GEMIN5: variants seen among roughly 807,000 people sequenced by gnomAD.
GEMIN5 encodes the protein gem nuclear organelle associated protein 5.
In GEMIN5, 124 loss-of-function variants were observed where a neutral mutation model predicts 176.9. The ratio of observed to expected loss-of-function variants is 0.70; its 90% CI spans 0.61 to 0.81. The LOEUF (loss-of-function observed/expected upper bound fraction) is 0.81. Ranked by LOEUF, GEMIN5 falls within the 40% of genes least tolerant of loss-of-function variation. The probability of loss-of-function intolerance (pLI) is 0.00; values close to 1 mark genes in which losing one functional copy is unlikely to be tolerated. For missense variants in GEMIN5, 1,843 were observed against 1,814.6 expected (o/e 1.02, Z -0.28); for synonymous variants, 673 against 665.2 (o/e 1.01, Z -0.18).
At chr5:154,923,516 C>T (rs1434652367) in intron 9 of GEMIN5, among the ~76,000 whole-genome samples, 1 of 152,230 alleles carries the variant, frequency 6.6e-6, no homozygotes, top group South Asian at 2.1e-4. Flanking sequence ...CACAACTACT[C>T]CACTCTGCTG....
intron 23 of GEMIN5, 90 bp downstream of exon 23, chr5:154,898,350 T>C (rs1236316137): frequency 2.6e-5 from 30 of 1,169,044 alleles, no homozygotes. Context: ...TGGCACAGCT[T>C]GTGCAACTGG....
intron 23 of GEMIN5, among the ~76,000 whole-genome samples, chr5:154,897,903 T>G (rs190763651): frequency 7.4e-5 from 9 of 121,434 alleles, no homozygotes; most frequent in South Asian, 2.8e-4. Context: ...GACTAAGGTG[T>G]TTTTTTTTGT....
intron 2 of GEMIN5, among the ~76,000 whole-genome samples, chr5:154,936,449 A>C (rs1764271529): frequency 6.6e-6 from 1 of 152,014 alleles, no homozygotes; most frequent in Non-Finnish European, 1.5e-5. Context: ...AATACTTATT[A>C]GTAGTACTTC....
At chr5:154,890,098 G>A in intron 26 of GEMIN5, among the ~76,000 whole-genome samples, 1 of 152,172 alleles carries the variant, frequency 6.6e-6, no homozygotes, top group Non-Finnish European at 1.5e-5. Context: ...AGGCACAAGG[G>A]TTCCAATGTC....
In GEMIN5 at chr5:154,895,570, T is replaced by G. The variant is rs150800940; in HGVS notation, c.3597+522A>C. 1.8e-3 allele frequency among the ~76,000 whole-genome samples: 278 copies of G among 152,310 alleles called. 4 individuals carry two copies. In the East Asian group the frequency reaches 0.024, roughly 13 times the overall value. Reference sequence around the variant, plus strand: ...AAGGACTTCAACTTTGCCCTACTGTTTTTATTTTATAAAGTCCTCAAATCA... The same window carrying G: ...AAGGACTTCAACTTTGCCCTACTGTGTTTATTTTATAAAGTCCTCAAATCA... On this transcript the variant is annotated intron_variant, in intron 24 of 27. Coordinates refer to ENST00000285873, the MANE Select transcript of GEMIN5 (RefSeq NM_015465.5).
intron 20 of GEMIN5, among the ~76,000 whole-genome samples, chr5:154,901,944 G>A (rs1242689262): frequency 1.3e-5 from 2 of 152,132 alleles, no homozygotes; most frequent in Non-Finnish European, 2.9e-5. Context: ...GGGACTACAG[G>A]TACATGTCAC....
intron 16 of GEMIN5, 51 bp from the exon 17 acceptor site, chr5:154,905,527 A>G (rs1264742137): frequency 4.8e-6 from 4 of 828,702 alleles, no homozygotes; most frequent in Non-Finnish European, 7.8e-6. Context: ...ACAATAATAC[A>G]GAATTTCAGT....
chr5:154,929,244 T>C (rs1461752217), intron 5 of GEMIN5, among the ~76,000 whole-genome samples: 1 of 152,174 alleles, frequency 6.6e-6, no homozygotes, highest in Non-Finnish European at 1.5e-5. Context: ...GAGTATTTTT[T>C]CGTCTGGGAA....
At position 154,892,525 on chromosome 5, in the gene GEMIN5, A is replaced by T; in HGVS notation, c.3622T>A (p.Leu1208Met). 1 of 1,614,116 alleles carries T rather than the reference A, an allele frequency of 6.2e-7. No homozygotes were observed. The highest frequency in any genetic ancestry group is 2.2e-5 in the East Asian group (1 of 44,886). Residue 1208 changes from leucine (L) to methionine (M), a missense_variant, in exon 25 of 28, where the codon TTG becomes ATG. Leu to Met is a conservative substitution (Grantham distance 15, BLOSUM62 2). Coordinates refer to ENST00000285873, the MANE Select transcript of GEMIN5 (RefSeq NM_015465.5). ...TGTTGGCTCAGCACTGCCAGGGTCA[A>T]GTCATGGCAAATGTGAAGCAGGAGC... ...KQLLLHICHD[L>M]TLAVLSQQMA...
chr5:154,892,652 CA>C, intron 24 of GEMIN5, 103 bp from the exon 25 acceptor site: 2 of 1,111,772 alleles, frequency 1.8e-6, no homozygotes, highest in Non-Finnish European at 2.5e-6. Flanking sequence ...CAAGTACACA[CA>C]ATTCACACTT....
At chr5:154,899,508 T>A (rs1582653971) in intron 21 of GEMIN5, among the ~76,000 whole-genome samples, 198 bp from the exon 22 acceptor site, 3 of 152,208 alleles carry the variant, frequency 2.0e-5, no homozygotes, top group Non-Finnish European at 2.9e-5. Context: ...TCAGCAGTTC[T>A]TAAATTGTGG....
intron 20 of GEMIN5, 63 bp downstream of exon 20, chr5:154,902,476 A>T: frequency 6.7e-7 from 1 of 1,493,896 alleles, no homozygotes; most frequent in Non-Finnish European, 9.3e-7. Flanking sequence ...AGCCATCTTT[A>T]GTGGACGTAT....
intron 24 of GEMIN5, among the ~76,000 whole-genome samples, chr5:154,893,418 CAAA>C (rs1296304143): frequency 7.9e-6 from 1 of 126,748 alleles, no homozygotes; most frequent in Admixed American, 8.0e-5. Context: ...GACGCTGTCT[CAAA>C]AAAAAAAAAT....
chr5:154,933,022 A>T (rs1764199185), intron 3 of GEMIN5, among the ~76,000 whole-genome samples: 1 of 152,252 alleles, frequency 6.6e-6, no homozygotes, highest in Non-Finnish European at 1.5e-5. Flanking sequence ...TGAATTCAAA[A>T]GAAACTGAGA....
At position 154,907,591 on chromosome 5, in the gene GEMIN5, C is replaced by T; in HGVS notation, c.2395G>A (p.Val799Ile). The T allele has an allele frequency of 3.7e-6, 6 of 1,611,570 alleles. No individual in the cohort carries two copies. The highest frequency in any genetic ancestry group is 4.2e-6 in the Non-Finnish European group (5 of 1,177,668). The change falls in exon 16 of 28, where the codon GTT (valine) becomes ATT (isoleucine). Residue 799 changes from valine to isoleucine, a missense_variant and splice_region_variant. Val to Ile is a conservative substitution (Grantham distance 29). Coordinates refer to ENST00000285873, the MANE Select transcript of GEMIN5 (RefSeq NM_015465.5). ...TGATACACAGGATTCTGCCACATAC[C>T]CGCTGGAGCAAGGCCACAGGGTAAT... is the stretch of plus-strand genomic sequence containing the variant. Reference protein sequence around the residue: ...PELPCGLAPAVSREPVICTPV... With the variant: ...PELPCGLAPAISREPVICTPV...
chr5:154,889,706 G>A (rs546174812), intron 26 of GEMIN5, among the ~76,000 whole-genome samples: 3 of 152,148 alleles, frequency 2.0e-5, no homozygotes, highest in East Asian at 1.9e-4. Flanking sequence ...TCTACTTTCT[G>A]TCTCTATAAA....
rs1048271045 is a variant in GEMIN5, at chr5:154,921,332, C to T, written c.1462+11G>A. 1.9e-6 allele frequency: 2 copies of T among 1,062,236 alleles called. No individual in the cohort carries two copies. The highest frequency in any genetic ancestry group is 1.5e-6 in the Non-Finnish European group (1 of 679,824). 65.8% of individuals were successfully genotyped at this position (1,062,236 alleles called of 1,614,324 possible). A position where few individuals can be genotyped will look rare whatever the true frequency, so the allele number is the denominator to read the frequency against. ...CTCTCATATTTGTTATGGAATTGTT[C>T]AGATACTTACCAAGTGACATGGGGG... On this transcript the variant is annotated intron_variant, in intron 10 of 27. Coordinates refer to ENST00000285873, the MANE Select transcript of GEMIN5 (RefSeq NM_015465.5).
intron 5 of GEMIN5, among the ~76,000 whole-genome samples, chr5:154,930,910 G>A (rs553069719): frequency 6.6e-6 from 1 of 152,096 alleles, no homozygotes; most frequent in African/African-American, 2.4e-5. Flanking sequence ...TACTATAAAG[G>A]TTATATTCTA....
chr5:154,897,993 G>A lies in GEMIN5; in HGVS notation c.3345+447C>T, dbSNP rs535658753. Among the ~76,000 whole-genome samples the A allele has an allele frequency of 5.6e-5, 8 of 141,958 alleles. No individual in the cohort carries two copies. In the South Asian group the frequency reaches 1.6e-3, roughly 28 times the overall value. 93.1% of individuals were successfully genotyped at this position (141,958 alleles called of 152,430 possible). On this transcript the variant is annotated intron_variant, in intron 23 of 27. Coordinates refer to ENST00000285873, the MANE Select transcript of GEMIN5 (RefSeq NM_015465.5). ...TGGCTCGCTGCAACCTCCGCCTTCC[G>A]GGTTCAAGTGATTCTCCTGCCTCAG... is the stretch of plus-strand genomic sequence containing the variant.
Sources: allele counts gnomAD v4.1 joint callset (sites outside exome capture counted in the v4.1 genomes callset), GRCh38; gene constraint gnomAD v4.1.1; transcripts MANE v1.5; gene names NCBI Gene and HGNC (gene_info 2026-07-23, HGNC 2026-07-21).